CARMIL1: variants seen among roughly 807,000 people sequenced by gnomAD.
CARMIL1 encodes the protein capping protein regulator and myosin 1 linker 1.
Under a neutral mutation model 177.1 loss-of-function variants are expected in CARMIL1, and 90 were observed. The ratio of observed to expected loss-of-function variants is 0.51; its 90% CI spans 0.43 to 0.61. CARMIL1 has a LOEUF of 0.61. CARMIL1 is among the 20% of genes least tolerant of loss of function. The probability of loss-of-function intolerance (pLI) is 0.00; values close to 1 mark genes in which losing one functional copy is unlikely to be tolerated. For missense variants in CARMIL1, 1,380 were observed against 1,667.0 expected, an observed-to-expected ratio of 0.83 and a Z score of 3.00; for synonymous variants, 577 against 606.2, an observed-to-expected ratio of 0.95 and a Z score of 0.71.
chr6:25,531,146 TATTTAA>T (rs1562256449), intron 24 of CARMIL1, among the ~76,000 whole-genome samples: 1 of 152,216 alleles, frequency 6.6e-6, no homozygotes, highest in East Asian at 1.9e-4. Context: ...ATAAGTATCC[TATTTAA>T]ATTTAAAATG....
At chr6:25,419,698 G>C (rs746972560) in intron 2 of CARMIL1, among the ~76,000 whole-genome samples, 1 of 152,168 alleles carries the variant, frequency 6.6e-6, no homozygotes, top group African/African-American at 2.4e-5. Context: ...GGGCAAAGGT[G>C]GGAGGTGTTT....
At chr6:25,579,212 A>G (rs897515044) in intron 29 of CARMIL1, among the ~76,000 whole-genome samples, 3 of 150,234 alleles carry the variant, frequency 2.0e-5, no homozygotes, top group Non-Finnish European at 1.5e-5. Flanking sequence ...AAACCAGACT[A>G]TTTTTGCCTA....
intron 2 of CARMIL1, among the ~76,000 whole-genome samples, chr6:25,408,998 A>G (rs1436892989): frequency 6.6e-6 from 1 of 152,156 alleles, no homozygotes; most frequent in African/African-American, 2.4e-5. Context: ...AAGAAAAATA[A>G]AATTTAGGAG....
At chr6:25,542,045 T>G (rs1808968092) in intron 26 of CARMIL1, among the ~76,000 whole-genome samples, 1 of 152,238 alleles carries the variant, frequency 6.6e-6, no homozygotes, top group African/African-American at 2.4e-5. Flanking sequence ...CTGTAAATTG[T>G]GTATTCATAT....
rs998976482 is a variant in CARMIL1 at position 25,279,735 on chromosome 6, A to G, written c.-61A>G. Reference sequence around the variant, plus strand: ...CTAAAAAAATTGAGGAGTTCGGGGAAGGGCAGGGGGCCATAAATCAGAGTT... The same window carrying G: ...CTAAAAAAATTGAGGAGTTCGGGGAGGGGCAGGGGGCCATAAATCAGAGTT... On this transcript the variant is annotated 5_prime_UTR_variant, in exon 1 of 37. Coordinates refer to ENST00000329474, the MANE Select transcript of CARMIL1 (RefSeq NM_017640.6). 5.9e-6 allele frequency: 9 copies of G among 1,532,402 alleles called. No homozygotes were observed. In the African/African-American group the frequency reaches 1.2e-4, roughly 21 times the overall value. The allele number at this position is 1,532,402 out of a possible 1,614,324, so 94.9% of individuals were successfully genotyped here.
At position 25,547,372 on chromosome 6, in the gene CARMIL1, A is replaced by T. The variant is rs555022514; in HGVS notation, c.2329-3538A>T. ...ATAGCCCAGACACATATAAAGAAGA[A>T]CAAGAAGGTTGGTAGTCTTGTTCTA... On this transcript the variant is annotated intron_variant, in intron 26 of 36. Transcript: ENST00000329474. Among the ~76,000 whole-genome samples, 113 of 152,312 alleles carry T rather than the reference A, an allele frequency of 7.4e-4. No homozygotes were observed. In the Middle Eastern group the frequency reaches 0.01, roughly 14 times the overall value.
At chr6:25,295,338 A>G (rs1782299049) in intron 2 of CARMIL1, among the ~76,000 whole-genome samples, 1 of 152,182 alleles carries the variant, frequency 6.6e-6, no homozygotes, top group African/African-American at 2.4e-5. Flanking sequence ...CCATTTACCC[A>G]CTGTAGAGGA....
intron 23 of CARMIL1, among the ~76,000 whole-genome samples, chr6:25,526,873 T>C (rs1039626511): frequency 4.6e-5 from 7 of 152,098 alleles, no homozygotes; most frequent in African/African-American, 1.7e-4. Flanking sequence ...TTTGTAAAAT[T>C]GCTGTGTTCT....
intron 14 of CARMIL1, 56 bp downstream of exon 14, chr6:25,491,865 G>T: frequency 1.2e-5 from 19 of 1,529,244 alleles, no homozygotes; most frequent in Non-Finnish European, 1.7e-5. Flanking sequence ...GAGCTATTTA[G>T]ATGGGATGTA....
At chr6:25,284,187 G>A (rs943132521) in intron 1 of CARMIL1, among the ~76,000 whole-genome samples, 1 of 152,212 alleles carries the variant, frequency 6.6e-6, no homozygotes, top group African/African-American at 2.4e-5. Context: ...TGTTCTGCAT[G>A]CAACGTAGTG....
At chr6:25,600,898 G>A (rs1815337042) in intron 33 of CARMIL1, among the ~76,000 whole-genome samples, 152 bp downstream of exon 33, 3 of 152,076 alleles carry the variant, frequency 2.0e-5, no homozygotes, top group Non-Finnish European at 2.9e-5. Context: ...CTCTCTTCTT[G>A]CTATTTTGAA....
At position 25,575,807 on chromosome 6, in the gene CARMIL1, A is replaced by G. The variant is rs762503379; in HGVS notation, c.2743-5117A>G. Among the ~76,000 whole-genome samples, 6 of 152,326 alleles carry G rather than the reference A, an allele frequency of 3.9e-5. 1 individual carries two copies. The highest frequency in any genetic ancestry group is 4.1e-4 in the South Asian group (2 of 4,826). ...TGATAAGCACATAATACTGGTGCCA[A>G]TGATGGTGATGGTTATAGGGAATGC... On this transcript the variant is annotated intron_variant, in intron 29 of 36. Coordinates refer to ENST00000329474, the MANE Select transcript of CARMIL1 (RefSeq NM_017640.6).
chr6:25,406,055 G>C (rs1241351861), intron 2 of CARMIL1, among the ~76,000 whole-genome samples: 1 of 152,204 alleles, frequency 6.6e-6, no homozygotes, highest in Non-Finnish European at 1.5e-5. Flanking sequence ...GCTTTGAATA[G>C]GACAGATGTG....
rs1798614435 is a variant in CARMIL1 at position 25,449,893 on chromosome 6, T to C, written c.372-5T>C. On this transcript the variant is annotated splice_polypyrimidine_tract_variant and splice_region_variant and intron_variant, in intron 5 of 36. Coordinates refer to ENST00000329474, the MANE Select transcript of CARMIL1 (RefSeq NM_017640.6). The stretch of plus-strand genomic sequence containing the variant: ...TGAAATGTGTTGTTGTTGTTGATCT[T>C]ACAGGAGAATCATGAAAAAAGTCTC... The C allele has an allele frequency of 1.3e-6, 2 of 1,582,788 alleles. No homozygotes were observed. The highest frequency in any genetic ancestry group is 1.7e-6 in the Non-Finnish European group (2 of 1,156,994).
intron 23 of CARMIL1, among the ~76,000 whole-genome samples, chr6:25,525,230 A>G (rs1362596406): frequency 6.6e-6 from 1 of 152,208 alleles, no homozygotes. Flanking sequence ...TTTAGAGAAC[A>G]TAGACTAAAA....
intron 27 of CARMIL1, among the ~76,000 whole-genome samples, chr6:25,551,428 G>A (rs1810095694): frequency 6.6e-6 from 1 of 152,122 alleles, no homozygotes; most frequent in South Asian, 2.1e-4. Flanking sequence ...ATTGAGATCA[G>A]TTTGCTTTTT....
chr6:25,564,607 A>G (rs1179639763), intron 29 of CARMIL1, among the ~76,000 whole-genome samples: 2 of 152,166 alleles, frequency 1.3e-5, no homozygotes, highest in Admixed American at 6.5e-5. Context: ...CTTCTGTCTT[A>G]TGGACACGAT....
intron 2 of CARMIL1, among the ~76,000 whole-genome samples, chr6:25,289,260 G>A (rs1218069233): frequency 6.6e-6 from 1 of 152,146 alleles, no homozygotes; most frequent in Non-Finnish European, 1.5e-5. Flanking sequence ...TTTAGGGGAT[G>A]TCATTAGAAA....
chr6:25,328,909 C>T (rs1287398504), intron 2 of CARMIL1, among the ~76,000 whole-genome samples: 1 of 152,030 alleles, frequency 6.6e-6, no homozygotes, highest in African/African-American at 2.4e-5. Context: ...TGCTTTAATC[C>T]ATCTATTCCT....
Sources: gnomAD v4.1 joint callset for allele counts (sites outside exome capture counted in the v4.1 genomes callset) on GRCh38, gnomAD v4.1.1 for gene constraint, MANE v1.5 for transcripts, NCBI Gene and HGNC (gene_info 2026-07-23, HGNC 2026-07-21) for gene names.